The following CRACD variants were observed in gnomAD, a reference collection of about 807,000 sequenced individuals.
CRACD encodes capping protein-inhibiting regulator of actin dynamics.
CRACD carries 56 observed loss-of-function variants against 106.8 expected under a neutral mutation model. The observed-to-expected ratio is 0.52, with a 90% CI of 0.42 to 0.66. The LOEUF (loss-of-function observed/expected upper bound fraction) is 0.66, where lower values mean the gene tolerates loss of function less well. Among genes scored for constraint, CRACD ranks in the 30% least tolerant of loss-of-function variants. CRACD has a pLI of 0.00. For synonymous variants in CRACD, 754 were observed against 670.8 expected (o/e 1.12, Z -1.92); for missense variants, 1,730 against 1,623.2 (o/e 1.07, Z -1.13).
chr4:56,214,751 G>A (rs1328330519), intron 2 of CRACD, among the ~76,000 whole-genome samples: 1 of 146,254 alleles, frequency 6.8e-6, no homozygotes, highest in Non-Finnish European at 1.5e-5. Context: ...AGTGGCTCAC[G>A]CCTATAATCC....
intron 4 of CRACD, among the ~76,000 whole-genome samples, chr4:56,304,052 A>G (rs1192415741): frequency 6.6e-6 from 1 of 152,138 alleles, no homozygotes; most frequent in Non-Finnish European, 1.5e-5. Context: ...TATCTGTGAC[A>G]TACGTGATAG....
At chr4:56,193,512 T>C (rs1272424507) in intron 2 of CRACD, among the ~76,000 whole-genome samples, 2 of 152,202 alleles carry the variant, frequency 1.3e-5, no homozygotes, top group African/African-American at 4.8e-5. Context: ...TCTGAGGACA[T>C]GTCTAGAGAT....
intron 2 of CRACD, among the ~76,000 whole-genome samples, chr4:56,221,637 A>G (rs1739036849): frequency 6.6e-6 from 1 of 152,178 alleles, no homozygotes; most frequent in South Asian, 2.1e-4. Context: ...AGAATCTGCA[A>G]GGAACTCAAA....
chr4:56,295,925 C>G (rs1482233862), intron 3 of CRACD, among the ~76,000 whole-genome samples: 1 of 151,972 alleles, frequency 6.6e-6, no homozygotes, highest in African/African-American at 2.4e-5. Flanking sequence ...ACAGGGAGAT[C>G]ATAACATATT....
At chr4:56,186,163 G>A (rs968705072) in intron 2 of CRACD, among the ~76,000 whole-genome samples, 1 of 152,202 alleles carries the variant, frequency 6.6e-6, no homozygotes, top group African/African-American at 2.4e-5. Flanking sequence ...TGGCAAATGA[G>A]GTTCTGAGGG....
At chr4:56,144,227 C>CA (rs1317589905) in intron 1 of CRACD, among the ~76,000 whole-genome samples, 2 of 152,108 alleles carry the variant, frequency 1.3e-5, no homozygotes, top group Non-Finnish European at 2.9e-5. Context: ...GATGAGGCTC[C>CA]AATGCTTCCC....
At chr4:56,274,826 G>T (rs539547828) in intron 3 of CRACD, among the ~76,000 whole-genome samples, 3 of 152,144 alleles carry the variant, frequency 2.0e-5, no homozygotes, top group Non-Finnish European at 4.4e-5. Flanking sequence ...AAAGCCACAC[G>T]CATGCAAATG....
In CRACD at chr4:56,049,150, T is replaced by C; in HGVS notation, c.-485T>C. 6.7e-6 allele frequency: 1 copy of C among 149,790 alleles called. No individual in the cohort carries two copies. The highest frequency in any genetic ancestry group is 1.5e-5 in the Non-Finnish European group (1 of 67,040). The allele number at this position is 149,790 out of a possible 1,614,324, so 9.3% of individuals were successfully genotyped here. A position where few individuals can be genotyped will look rare whatever the true frequency, so the allele number is the denominator to read the frequency against. ...GAGAGCAATGGAGGCCACGGCCGACTGAGAGGCGGGTGCGCTGCTGGTGCT... is the reference window on the plus strand; with the variant it reads ...GAGAGCAATGGAGGCCACGGCCGACCGAGAGGCGGGTGCGCTGCTGGTGCT... On this transcript the variant is annotated 5_prime_UTR_variant, in exon 1 of 11. It removes the in-frame stop codon of an upstream open reading frame in the 5' UTR. Transcript: ENST00000682029.
intron 1 of CRACD, among the ~76,000 whole-genome samples, chr4:56,148,722 A>G (rs1407731591): frequency 6.6e-6 from 1 of 151,966 alleles, no homozygotes; most frequent in Non-Finnish European, 1.5e-5. Flanking sequence ...TTTATTGTTC[A>G]GTTTATTTTC....
chr4:56,235,114 T>C (rs1389926594), intron 2 of CRACD, among the ~76,000 whole-genome samples: 1 of 152,212 alleles, frequency 6.6e-6, no homozygotes, highest in Non-Finnish European at 1.5e-5. Context: ...TAAAATGCCT[T>C]ACCCTATATT....
intron 1 of CRACD, among the ~76,000 whole-genome samples, chr4:56,121,000 A>G (rs1734464937): frequency 6.6e-6 from 1 of 152,168 alleles, no homozygotes; most frequent in South Asian, 2.1e-4. Flanking sequence ...ATTTTTTTAA[A>G]CTACTGCTGA....
chr4:56,247,998 A>G lies in CRACD; in HGVS notation c.-188-24323A>G, dbSNP rs1740792046. Among the ~76,000 whole-genome samples the G allele has an allele frequency of 1.3e-5, 2 of 152,186 alleles. 1 individual carries two copies. The highest frequency in any genetic ancestry group is 4.1e-4 in the South Asian group (2 of 4,830). ...AATTCTACGAGGCTGAAGATTCTGT[A>G]TGGTATACCCAAGGAAATGAATAAA... On this transcript the variant is annotated intron_variant, in intron 2 of 10. Transcript: ENST00000682029.
chr4:56,198,530 T>C (rs757922523), intron 2 of CRACD, among the ~76,000 whole-genome samples: 1 of 152,216 alleles, frequency 6.6e-6, no homozygotes, highest in East Asian at 1.9e-4. Context: ...CTGAACTACT[T>C]AGTACTTGTG....
chr4:56,066,420 G>C (rs1485083301), intron 1 of CRACD, among the ~76,000 whole-genome samples: 1 of 152,174 alleles, frequency 6.6e-6, no homozygotes, highest in Non-Finnish European at 1.5e-5. Flanking sequence ...GCTCATGGCT[G>C]TAATCCAAGC....
intron 4 of CRACD, among the ~76,000 whole-genome samples, chr4:56,305,598 C>T (rs1281021385): frequency 6.6e-6 from 1 of 152,220 alleles, no homozygotes; most frequent in Non-Finnish European, 1.5e-5. Context: ...CAGCCTTCTC[C>T]TCCCCACAAC....
chr4:56,264,351 T>TA (rs998407319), intron 2 of CRACD, among the ~76,000 whole-genome samples: 41 of 151,914 alleles, frequency 2.7e-4, no homozygotes, highest in Admixed American at 2.1e-3. Context: ...TTATAATCCT[T>TA]AAAAAAAAGA....
chr4:56,135,666 G>A (rs1412305786), intron 1 of CRACD, among the ~76,000 whole-genome samples: 1 of 152,148 alleles, frequency 6.6e-6, no homozygotes, highest in Non-Finnish European at 1.5e-5. Flanking sequence ...TTGTTGAGTG[G>A]GTTGTGAATG....
At chr4:56,317,466 A>G (rs1310413748) in intron 8 of CRACD, among the ~76,000 whole-genome samples, 2 of 152,232 alleles carry the variant, frequency 1.3e-5, no homozygotes, top group Non-Finnish European at 2.9e-5. Flanking sequence ...AAAAGGTGCC[A>G]ACAGTTAGAT....
chr4:56,307,690 A>C lies in CRACD; in HGVS notation c.276A>C (p.Ala92=). 6.2e-7 allele frequency: 1 copy of C among 1,614,114 alleles called. No homozygotes were observed. The highest frequency in any genetic ancestry group is 8.5e-7 in the Non-Finnish European group (1 of 1,180,020). ...VTQQDIVLSD[A]ENKSSDTPSS... ...AGCAGGACATCGTCCTCTCAGACGC[A>C]GAGAACAAGGTAAGTCTCCTCCAGG... Residue 92 remains alanine (A), a synonymous_variant, in exon 5 of 11, where the codon GCA becomes GCC. Transcript: ENST00000682029.
Sources: allele counts gnomAD v4.1 joint callset (sites outside exome capture counted in the v4.1 genomes callset), GRCh38; gene constraint gnomAD v4.1.1; transcripts MANE v1.5; gene names NCBI Gene and HGNC (gene_info 2026-07-23, HGNC 2026-07-21).